CFAP44: variants seen among roughly 807,000 people sequenced by gnomAD.
CFAP44 encodes the protein cilia- and flagella-associated protein 44.
A neutral mutation model predicts 216.2 loss-of-function variants in CFAP44; 134 were observed. That is an observed-to-expected ratio of 0.62 (90% confidence interval 0.54 to 0.72). The LOEUF (loss-of-function observed/expected upper bound fraction) is 0.72. CFAP44 is among the 30% of genes least tolerant of loss of function. The pLI is 0.00. For synonymous variants in CFAP44, 700 were observed against 727.6 expected, an observed-to-expected ratio of 0.96 and a Z score of 0.61; for missense variants, 2,035 against 2,182.1, an observed-to-expected ratio of 0.93 and a Z score of 1.34.
rs1950558011 is a variant in CFAP44 at position 113,363,229 on chromosome 3, C to T, written c.2850G>A (p.Glu950=). Residue 950 remains glutamate (E), a synonymous_variant, in exon 21 of 35, where the codon GAG becomes GAA. Transcript: ENST00000393845. ...EVGEIKARKR[E]QIKALRSEFC... is the part of the protein sequence containing the mutation. ...ATTCACTCCTCAAAGCTTTGATTTG[C>T]TCTCTCTTCCGTGCCTTTATTTCTC... 6.2e-7 allele frequency: 1 copy of T among 1,613,272 alleles called. No individual in the cohort carries two copies. Among genetic ancestry groups the T allele is most frequent in the Non-Finnish European group, 8.5e-7 (1 of 1,179,774 alleles).
chr3:113,392,421 G>C (rs756337159), intron 15 of CFAP44, among the ~76,000 whole-genome samples: 1 of 151,812 alleles, frequency 6.6e-6, no homozygotes, highest in Non-Finnish European at 1.5e-5. Context: ...GGTGTGGCGG[G>C]GGGTGGGGTG....
chr3:113,438,671 T>C (rs2107423975), intron 1 of CFAP44, among the ~76,000 whole-genome samples: 1 of 152,344 alleles, frequency 6.6e-6, no homozygotes, highest in South Asian at 2.1e-4. Flanking sequence ...TCAGCTCTAC[T>C]TCTTAGTATA....
intron 27 of CFAP44, among the ~76,000 whole-genome samples, chr3:113,327,071 T>C (rs943493552): frequency 2.0e-5 from 3 of 152,152 alleles, no homozygotes; most frequent in African/African-American, 7.2e-5. Context: ...CTATTTAGCA[T>C]ATACTATCTG....
intron 28 of CFAP44, among the ~76,000 whole-genome samples, chr3:113,308,587 T>A (rs1011820883): frequency 1.3e-5 from 2 of 149,516 alleles, no homozygotes; most frequent in African/African-American, 4.9e-5. Flanking sequence ...TTTTTTTTTC[T>A]TTTTTTTTTC....
intron 26 of CFAP44, among the ~76,000 whole-genome samples, chr3:113,329,264 G>A (rs1290108194): frequency 6.6e-6 from 1 of 152,180 alleles, no homozygotes; most frequent in Non-Finnish European, 1.5e-5. Context: ...AATGTGGGCG[G>A]AAAATGCTGG....
chr3:113,424,282 A>G (rs1439684899), intron 4 of CFAP44, among the ~76,000 whole-genome samples: 6 of 152,236 alleles, frequency 3.9e-5, no homozygotes, highest in African/African-American at 1.4e-4. Context: ...CTAAAAATAC[A>G]AAAATTAGCT....
In CFAP44 at chr3:113,433,562, T is replaced by G. The variant is rs1431771226; in HGVS notation, c.100+3A>C. The G allele has an allele frequency of 1.9e-6, 3 of 1,598,860 alleles. No individual in the cohort carries two copies. The highest frequency in any genetic ancestry group is 1.1e-5 in the South Asian group (1 of 90,700). On this transcript the variant is annotated splice_donor_region_variant and intron_variant, in intron 2 of 34. Transcript: ENST00000393845. ...TAAAAGTATACATATTATCTTTACT[T>G]ACATCTTGATTCTGATTTAGAAGAC...
chr3:113,428,693 T>TGGCAGGGCTGCTGGC (rs1236542853), intron 2 of CFAP44, among the ~76,000 whole-genome samples: 2 of 152,130 alleles, frequency 1.3e-5, no homozygotes, highest in African/African-American at 4.8e-5. Flanking sequence ...CACAAATGGA[T>TGGCAGGGCTGCTGGC]GGCAGGGCTG....
chr3:113,388,502 G>T (rs889020229), intron 15 of CFAP44, among the ~76,000 whole-genome samples: 1 of 151,916 alleles, frequency 6.6e-6, no homozygotes, highest in South Asian at 2.1e-4. Flanking sequence ...AAATCAACCA[G>T]AAAACAAATA....
At chr3:113,301,660 T>C (rs1328980517) in intron 32 of CFAP44, among the ~76,000 whole-genome samples, 3 of 152,212 alleles carry the variant, frequency 2.0e-5, no homozygotes, top group Admixed American at 6.5e-5. Context: ...AAAAATTGTA[T>C]ATATTATCAT....
At position 113,371,403 on chromosome 3, in the gene CFAP44, C is replaced by T. The variant is rs139778143; in HGVS notation, c.2444+2008G>A. On this transcript the variant is annotated intron_variant, in intron 18 of 34. Transcript: ENST00000393845. ...AGATATACAGACCAATGGAACAGAA[C>T]AGAAGCCTCAGAAATACCACCACAC... Among the ~76,000 whole-genome samples, 700 of 152,224 alleles carry T rather than the reference C, an allele frequency of 4.6e-3. 6 individuals carry two copies. The highest frequency in any genetic ancestry group is 0.016 in the African/African-American group (664 of 41,546).
At chr3:113,408,525 T>A (rs1297139100) in intron 7 of CFAP44, among the ~76,000 whole-genome samples, 1 of 152,192 alleles carries the variant, frequency 6.6e-6, no homozygotes, top group African/African-American at 2.4e-5. Context: ...CTACATAAAC[T>A]CTTTTAGGAG....
rs1463718510 is a variant in CFAP44, at chr3:113,306,302, G to A, written c.4657C>T (p.Leu1553Phe). Residue 1553 changes from leucine (L) to phenylalanine (F), a missense_variant, in exon 30 of 35, where the codon CTT becomes TTT. Physicochemically the swap from Leu to Phe is conservative, Grantham distance 22. Transcript: ENST00000393845. ...TCCAGCCTTTTCTCTCGAAGGTGAA[G>A]GGCCAGCTCAAAAAGAGCCACATCA... ...NCDVALFELA[L>F]HLREKRLDIE... 1 of 1,536,156 alleles carries A rather than the reference G, an allele frequency of 6.5e-7. No homozygotes were observed. The highest frequency in any genetic ancestry group is 8.7e-7 in the Non-Finnish European group (1 of 1,146,606).
chr3:113,296,583 G>C (rs1163480144), intron 33 of CFAP44, 142 bp downstream of exon 33: 1 of 863,486 alleles, frequency 1.2e-6, no homozygotes, highest in Non-Finnish European at 1.7e-6. Flanking sequence ...CCGAGACAAG[G>C]CCTAAGATCC....
Position 113,407,570 on chromosome 3 carries a change from C to T in CFAP44, c.891-529G>A, listed in dbSNP as rs556019247. Among the ~76,000 whole-genome samples the T allele has an allele frequency of 1.9e-4, 29 of 152,198 alleles. No individual in the cohort carries two copies. The South Asian group carries it at 2.1e-3, about 11-fold the overall frequency. ...GACTTTGAGCACTTTTCTAGATCAC[C>T]CTGTGCCTTCATTTTCTCAGGTATA... On this transcript the variant is annotated intron_variant, in intron 7 of 34. Coordinates refer to ENST00000393845, the MANE Select transcript of CFAP44 (RefSeq NM_001164496.2).
rs777028574 is a variant in CFAP44 at position 113,379,521 on chromosome 3, G to C, written c.2083C>G (p.Gln695Glu). Reference protein sequence around the residue: ...RLIEIEKRERQRELKEKIREE... With the variant: ...RLIEIEKRERERELKEKIREE... ...CTTATTTTCTCCTTCAACTCCCTTT[G>C]TCTCTCCCTCTTTTCAATTTCTATT... Residue 695 changes from glutamine (Q) to glutamate (E), a missense_variant, in exon 17 of 35, where the codon CAA becomes GAA. This residue lies in a region of CFAP44 where 1,883 missense variants were observed against 2,023.7 expected (regional missense o/e 0.93). Transcript: ENST00000393845. 2.2e-5 allele frequency: 35 copies of C among 1,591,994 alleles called. No individual in the cohort carries two copies. Among genetic ancestry groups the C allele is most frequent in the Middle Eastern group, 3.3e-4 (2 of 6,046 alleles).
At chr3:113,420,308 C>A in intron 4 of CFAP44, 129 bp from the exon 5 acceptor site, 1 of 942,542 alleles carries the variant, frequency 1.1e-6, no homozygotes, top group South Asian at 3.8e-5. Context: ...TGAATTTTAC[C>A]CTGAAACTCA....
rs1365033522 is a variant in CFAP44 at position 113,381,056 on chromosome 3, T to C, written c.1895A>G (p.Glu632Gly). The change falls in exon 16 of 35, where the codon GAA becomes GGA. Residue 632 changes from glutamate to glycine, a missense_variant. Glu to Gly is a moderately conservative substitution (Grantham distance 98). Around this residue, in one of 3 missense-constraint regions of CFAP44, gnomAD observed 1,883 missense variants for 2,023.7 expected, o/e 0.93. Transcript: ENST00000393845. ...TTCACAGATAATTAGTAAAGTACTT[T>C]CAGGCTAAAAAAGAAAAATTGAACA... ...QLMWSPMSHP[E>G]STLLIICENG... is the part of the protein sequence containing the mutation. The C allele has an allele frequency of 2.6e-6, 4 of 1,554,398 alleles. No homozygotes were observed. The African/African-American group carries it at 4.1e-5, about 16-fold the overall frequency.
chr3:113,401,073 T>C (rs965389436), intron 11 of CFAP44, among the ~76,000 whole-genome samples, 167 bp downstream of exon 11: 3 of 152,162 alleles, frequency 2.0e-5, no homozygotes, highest in Non-Finnish European at 4.4e-5. Context: ...TTCTTTTTTA[T>C]GTAAAATCAT....
Sources: gnomAD v4.1 joint callset for allele counts (sites outside exome capture counted in the v4.1 genomes callset) on GRCh38, gnomAD v4.1.1 for gene constraint, gnomAD v4.1.1 regional missense constraint, MANE v1.5 for transcripts, NCBI Gene and HGNC (gene_info 2026-07-23, HGNC 2026-07-21) for gene names.